PGM1: variants seen among roughly 807,000 people sequenced by gnomAD.
PGM1 encodes the protein phosphoglucomutase-1.
A neutral mutation model predicts 55.6 loss-of-function variants in PGM1; 52 were observed. That is an observed-to-expected ratio of 0.94 (90% confidence interval 0.75 to 1.18). The LOEUF (loss-of-function observed/expected upper bound fraction) is 1.18. Ranked by LOEUF, PGM1 falls within the 50% of genes most tolerant of loss-of-function variation. The pLI, the probability that PGM1 is intolerant of heterozygous loss-of-function variation, is 0.00. For synonymous variants in PGM1, 287 were observed against 271.7 expected (o/e 1.06, Z -0.55); for missense variants, 724 against 729.3 (o/e 0.99, Z 0.08).
rs556386556 is a variant in PGM1, at chr1:63,652,882, G to T, written c.1464+1030G>T. On this transcript the variant is annotated intron_variant, in intron 9 of 10. Transcript: ENST00000371084. ...CTGTTTGCCATTTGTGAGAACTTGGGGTCCAGTTTGGATGATTGTAAATTA... is the reference window on the plus strand; with the variant it reads ...CTGTTTGCCATTTGTGAGAACTTGGTGTCCAGTTTGGATGATTGTAAATTA... Among the ~76,000 whole-genome samples, 7 of 152,268 alleles carry T rather than the reference G, an allele frequency of 4.6e-5. No homozygotes were observed. In the South Asian group the frequency reaches 1.4e-3, roughly 32 times the overall value.
intron 10 of PGM1, among the ~76,000 whole-genome samples, chr1:63,658,125 C>T (rs924475186): frequency 1.3e-5 from 2 of 152,128 alleles, no homozygotes; most frequent in Non-Finnish European, 1.5e-5. Context: ...GTGGGGACTG[C>T]CCAAGCCCTA....
intron 7 of PGM1, among the ~76,000 whole-genome samples, chr1:63,647,189 G>A (rs748601685): frequency 4.0e-5 from 6 of 148,430 alleles, no homozygotes; most frequent in Non-Finnish European, 7.5e-5. Flanking sequence ...GTTGCAGTGA[G>A]CCAAGATCAT....
chr1:63,645,307 A>G (rs1253864837), intron 7 of PGM1, among the ~76,000 whole-genome samples: 1 of 152,220 alleles, frequency 6.6e-6, no homozygotes. Context: ...AAAAAATCAA[A>G]TTCCTTGCTT....
chr1:63,652,713 G>A (rs1261295895), intron 9 of PGM1, among the ~76,000 whole-genome samples: 1 of 152,150 alleles, frequency 6.6e-6, no homozygotes, highest in Non-Finnish European at 1.5e-5. Flanking sequence ...ATCTCATAGG[G>A]TTTGGAAGGG....
intron 7 of PGM1, among the ~76,000 whole-genome samples, chr1:63,641,453 C>T (rs374426419): frequency 6.6e-6 from 1 of 152,194 alleles, no homozygotes; most frequent in Non-Finnish European, 1.5e-5. Context: ...TTAGCAACCA[C>T]GCCCCTTGCT....
rs890027917 is a variant in PGM1, at chr1:63,593,430, C to T, written c.-59C>T. ...CACCCCAGAGCAGCTGCAGCCTCAG[C>T]CGGCCGCCCCTCCGCCAGCCAAGTC... On this transcript the variant is annotated 5_prime_UTR_variant, in exon 1 of 11. Coordinates refer to ENST00000371084, the MANE Select transcript of PGM1 (RefSeq NM_002633.3). The T allele has an allele frequency of 2.1e-5, 34 of 1,608,726 alleles. No individual in the cohort carries two copies. In the African/African-American group the frequency reaches 4.3e-4, roughly 20 times the overall value.
Position 63,593,633 on chromosome 1 carries a change from C to A in PGM1, c.145C>A (p.Pro49Thr). ...FIQSIISTVE[P>T]AQRQEATLVV... ...CCAGAGTATCATCTCCACCGTGGAG[C>A]CGGCGCAGCGGCAGGAGGCCACGCT... The change falls in exon 1 of 11, where the codon CCG becomes ACG. Residue 49 changes from proline (P) to threonine (T), a missense_variant. Coordinates refer to ENST00000371084, the MANE Select transcript of PGM1 (RefSeq NM_002633.3). 1 of 1,612,032 alleles carries A rather than the reference C, an allele frequency of 6.2e-7. No individual in the cohort carries two copies. The highest frequency in any genetic ancestry group is 8.5e-7 in the Non-Finnish European group (1 of 1,179,304).
At chr1:63,594,503 C>A (rs933643726) in intron 1 of PGM1, among the ~76,000 whole-genome samples, 2 of 152,004 alleles carry the variant, frequency 1.3e-5, no homozygotes. Flanking sequence ...GACGCCCTTA[C>A]GCAAGCAAGC....
intron 8 of PGM1, chr1:63,651,380 A>C: frequency 7.9e-6 from 3 of 380,180 alleles, no homozygotes; most frequent in South Asian, 7.7e-5. Flanking sequence ...AGCATCTTTC[A>C]AAAGCCTTTG....
chr1:63,631,740 G>T lies in PGM1; in HGVS notation c.640G>T (p.Gly214Trp), dbSNP rs1557432351. The change falls in exon 4 of 11, where the codon GGG becomes TGG. Residue 214 changes from glycine to tryptophan, a missense_variant. Physicochemically the swap from Gly to Trp is radical, Grantham distance 184 (BLOSUM62 -2). Transcript: ENST00000371084. The part of the protein sequence containing the change: ...DFSALKELLS[G>W]PNRLKIRIDA... Reference sequence around the variant, plus strand: ...CAGTGCACTGAAAGAACTACTTTCTGGGCCAAACCGACTGAAGATCCGTAT... The same window carrying T: ...CAGTGCACTGAAAGAACTACTTTCTTGGCCAAACCGACTGAAGATCCGTAT... The T allele has an allele frequency of 1.2e-6, 2 of 1,613,352 alleles. No individual in the cohort carries two copies. Among genetic ancestry groups the T allele is most frequent in the Admixed American group, 3.3e-5 (2 of 59,992 alleles).
At chr1:63,620,981 T>C (rs902946597) in intron 1 of PGM1, among the ~76,000 whole-genome samples, 15 of 152,298 alleles carry the variant, frequency 9.8e-5, no homozygotes, top group African/African-American at 2.9e-4. Flanking sequence ...CCACTTAGTC[T>C]GAGTGTCTTA....
chr1:63,602,697 T>C (rs1164216355), intron 1 of PGM1, among the ~76,000 whole-genome samples: 1 of 152,074 alleles, frequency 6.6e-6, no homozygotes, highest in Non-Finnish European at 1.5e-5. Context: ...TCATAGCCAT[T>C]TGGGGGCTAA....
At chr1:63,607,068 TTC>T (rs1648442001) in intron 1 of PGM1, among the ~76,000 whole-genome samples, 1 of 152,214 alleles carries the variant, frequency 6.6e-6, no homozygotes, top group Non-Finnish European at 1.5e-5. Flanking sequence ...ACAATCTAAC[TTC>T]AGAATATTTC....
intron 7 of PGM1, among the ~76,000 whole-genome samples, chr1:63,642,244 A>C (rs1425114877): frequency 6.6e-6 from 1 of 152,240 alleles, no homozygotes; most frequent in Non-Finnish European, 1.5e-5. Context: ...CAATCTTGGA[A>C]TATTACTAAC....
chr1:63,636,447 C>T (rs763794564), intron 6 of PGM1, 59 bp downstream of exon 6: 18 of 1,502,678 alleles, frequency 1.2e-5, no homozygotes, highest in Admixed American at 1.7e-5. Flanking sequence ...TTCACCATAC[C>T]CTTCACTGTG....
At chr1:63,651,958 C>T in intron 9 of PGM1, 106 bp downstream of exon 9, 1 of 1,067,434 alleles carries the variant, frequency 9.4e-7, no homozygotes, top group South Asian at 1.3e-5. Context: ...TCTTTTGCTG[C>T]TGTGTTTTTC....
chr1:63,593,646 A>C lies in PGM1; in HGVS notation c.158A>C (p.Gln53Pro). 6.2e-7 allele frequency: 1 copy of C among 1,611,030 alleles called. No individual in the cohort carries two copies. Among genetic ancestry groups the C allele is most frequent in the Non-Finnish European group, 8.5e-7 (1 of 1,178,938 alleles). The change falls in exon 1 of 11, where the codon CAG becomes CCG. Residue 53 changes from glutamine (Q) to proline (P), a missense_variant. By Grantham distance (76) the Gln-to-Pro change is moderately conservative (BLOSUM62 -1). Coordinates refer to ENST00000371084, the MANE Select transcript of PGM1 (RefSeq NM_002633.3). Reference sequence around the variant, plus strand: ...TCCACCGTGGAGCCGGCGCAGCGGCAGGAGGCCACGCTGGTGGTGGGCGGG... The same window carrying C: ...TCCACCGTGGAGCCGGCGCAGCGGCCGGAGGCCACGCTGGTGGTGGGCGGG... ...IISTVEPAQR[Q>P]EATLVVGGDG...
At chr1:63,636,119 AG>A in intron 5 of PGM1, 114 bp from the exon 6 acceptor site, 1 of 996,780 alleles carries the variant, frequency 1.0e-6, no homozygotes, top group Non-Finnish European at 1.6e-6. Context: ...CAGTATGGAA[AG>A]GAGATCAATT....
chr1:63,633,942 T>TA (rs1557433817), intron 4 of PGM1, among the ~76,000 whole-genome samples: 20 of 122,116 alleles, frequency 1.6e-4, no homozygotes, highest in African/African-American at 2.8e-4. Flanking sequence ...ATTTTTTTTT[T>TA]TTTTTTTTTT....
Sources: allele counts gnomAD v4.1 joint callset (sites outside exome capture counted in the v4.1 genomes callset), GRCh38; gene constraint gnomAD v4.1.1; transcripts MANE v1.5; gene names NCBI Gene and HGNC (gene_info 2026-07-23, HGNC 2026-07-21).